SLC35E1: variants seen among roughly 807,000 people sequenced by gnomAD.
SLC35E1 encodes solute carrier family 35 member E1, also known as solute carrier family 35, member E1.
SLC35E1 carries 12 observed loss-of-function variants against 31.0 expected under a neutral mutation model. The ratio of observed to expected loss-of-function variants is 0.39; its 90% CI spans 0.25 to 0.63. The LOEUF (loss-of-function observed/expected upper bound fraction) is 0.63, where lower values mean the gene tolerates loss of function less well. SLC35E1 is among the 20% of genes least tolerant of loss of function. The probability of loss-of-function intolerance (pLI) is 0.52; values close to 1 mark genes in which losing one functional copy is unlikely to be tolerated. For missense variants in SLC35E1, 429 were observed against 572.2 expected, an observed-to-expected ratio of 0.75 and a Z score of 2.55; for synonymous variants, 257 against 264.1, an observed-to-expected ratio of 0.97 and a Z score of 0.26.
intron 3 of SLC35E1, among the ~76,000 whole-genome samples, chr19:16,567,704 G>A (rs1212574489): frequency 1.3e-5 from 2 of 152,138 alleles, no homozygotes; most frequent in African/African-American, 2.4e-5. Flanking sequence ...TGGGATTACA[G>A]ATGCGTGCCT....
In SLC35E1 at chr19:16,571,498, C is replaced by G; in HGVS notation, c.492+14G>C. 6.2e-7 allele frequency: 1 copy of G among 1,613,768 alleles called. No individual in the cohort carries two copies. On this transcript the variant is annotated intron_variant, in intron 2 of 5. Transcript: ENST00000595753. ...TGGAGCTCCCATCTGCCCAGAGTCC[C>G]TGCCCGGGGTTACCTTGGTGCTCTG...
At chr19:16,559,098 C>T (rs2085891328) in intron 4 of SLC35E1, among the ~76,000 whole-genome samples, 1 of 151,914 alleles carries the variant, frequency 6.6e-6, no homozygotes, top group Non-Finnish European at 1.5e-5. Flanking sequence ...TACTATCTTC[C>T]ATTTAAAAAT....
At position 16,569,759 on chromosome 19, in the gene SLC35E1, G is replaced by A. The variant is rs2085948620; in HGVS notation, c.493-1590C>T. Among the ~76,000 whole-genome samples, 3 of 152,158 alleles carry A rather than the reference G, an allele frequency of 2.0e-5. No individual in the cohort carries two copies. In the South Asian group the frequency reaches 6.2e-4, roughly 32 times the overall value. ...TACTCGGGAGGCTGAGGCAAGAATC[G>A]CTTGAACCCAGGAGGCGGAGCTTGC... On this transcript the variant is annotated intron_variant, in intron 2 of 5. Coordinates refer to ENST00000595753, the MANE Select transcript of SLC35E1 (RefSeq NM_024881.5).
chr19:16,564,924 T>C (rs752004045), intron 4 of SLC35E1: 19 of 323,484 alleles, frequency 5.9e-5, no homozygotes, highest in Middle Eastern at 4.3e-4. Flanking sequence ...CATGGTTTAC[T>C]GATTGGGAAA....
At chr19:16,565,344 G>A in intron 4 of SLC35E1, 1 of 340,104 alleles carries the variant, frequency 2.9e-6, no homozygotes, top group Non-Finnish European at 5.8e-6. Context: ...CCAAGTGGCT[G>A]GGATTACAGG....
Position 16,568,510 on chromosome 19 carries a change from A to T in SLC35E1, c.493-341T>A, listed in dbSNP as rs114402960. Among the ~76,000 whole-genome samples the T allele has an allele frequency of 2.6e-3, 391 of 152,242 alleles. 1 individual carries two copies. The highest frequency in any genetic ancestry group is 8.7e-3 in the African/African-American group (362 of 41,542). On this transcript the variant is annotated intron_variant, in intron 2 of 5. Coordinates refer to ENST00000595753, the MANE Select transcript of SLC35E1 (RefSeq NM_024881.5). ...GGGTTTGAAGCCCTGATCCTCTATAAGGCTCCCCCATTCCCTCTTTTTAAA... is the reference window on the plus strand; with the variant it reads ...GGGTTTGAAGCCCTGATCCTCTATATGGCTCCCCCATTCCCTCTTTTTAAA...
chr19:16,572,115 G>A lies in SLC35E1; in HGVS notation c.250C>T (p.Pro84Ser). The change falls in exon 1 of 6, where the codon CCC becomes TCC. Residue 84 changes from proline (P) to serine (S), a missense_variant. Transcript: ENST00000595753. The surrounding 1 kb of genome is among the most constrained non-coding windows in gnomAD (Gnocchi z 4.1). The part of the protein sequence containing the change: ...PPLLRAWRVP[P>S]APPVSGPGPS... ...CCGGGGCCCGAGACGGGCGGCGCGG[G>A]GGGCACGCGCCAGGCGCGCAGCAGC... is the stretch of plus-strand genomic sequence containing the variant. 6.6e-7 allele frequency: 1 copy of A among 1,511,808 alleles called. No homozygotes were observed. Among genetic ancestry groups the A allele is most frequent in the Non-Finnish European group, 8.8e-7 (1 of 1,130,950 alleles). 93.6% of individuals were successfully genotyped at this position (1,511,808 alleles called of 1,614,324 possible).
Position 16,556,196 on chromosome 19 carries a change from G to C in SLC35E1, c.757-799C>G, listed in dbSNP as rs957144795. Among the ~76,000 whole-genome samples, 8 of 151,936 alleles carry C rather than the reference G, an allele frequency of 5.3e-5. No individual in the cohort carries two copies. The South Asian group carries it at 6.2e-4, about 12-fold the overall frequency. ...CCACTGCACTCCAGCCAGGGCAACA[G>C]AGCGAGACTCTGTCTCAAAAAAACA... On this transcript the variant is annotated intron_variant, in intron 4 of 5. Coordinates refer to ENST00000595753, the MANE Select transcript of SLC35E1 (RefSeq NM_024881.5).
chr19:16,566,022 A>G (rs1294201853), intron 4 of SLC35E1: 2 of 151,948 alleles, frequency 1.3e-5, no homozygotes, highest in Non-Finnish European at 2.9e-5. Context: ...AACAAAAAAA[A>G]ATTAGCCAGG....
intron 3 of SLC35E1, 54 bp from the exon 4 acceptor site, chr19:16,566,711 G>A: frequency 1.9e-6 from 3 of 1,572,968 alleles, no homozygotes; most frequent in South Asian, 2.3e-5. Flanking sequence ...TGGCAAAAAG[G>A]GCTCCAGTGA....
intron 4 of SLC35E1, among the ~76,000 whole-genome samples, chr19:16,561,091 G>A (rs1201843187): frequency 6.7e-6 from 1 of 150,016 alleles, no homozygotes; most frequent in South Asian, 2.1e-4. Flanking sequence ...GCATGTGCCT[G>A]TAATCCCAGC....
rs757077595 is a variant in SLC35E1 at position 16,553,666 on chromosome 19, T to C, written c.*13A>G. ...GAAGGAGTCACCAACAGTCTGGTCC[T>C]GTCCTTTGGACTCTACACATCATAG... On this transcript the variant is annotated 3_prime_UTR_variant, in exon 6 of 6. Transcript: ENST00000595753. 2.7e-6 allele frequency: 4 copies of C among 1,489,336 alleles called. No individual in the cohort carries two copies. Among genetic ancestry groups the C allele is most frequent in the Non-Finnish European group, 2.7e-6 (3 of 1,111,072 alleles). 92.3% of individuals were successfully genotyped at this position (1,489,336 alleles called of 1,614,324 possible).
chr19:16,567,564 A>C (rs1282322684), intron 3 of SLC35E1, among the ~76,000 whole-genome samples: 3 of 151,800 alleles, frequency 2.0e-5, no homozygotes, highest in African/African-American at 7.3e-5. Context: ...TAATAGAAAA[A>C]CTTTTTTTTG....
rs1257388452 is a variant in SLC35E1, at chr19:16,549,953, A to C, written c.*3726T>G. ...AAACAGGTGACAATTGAAAAACATTATAATATTTTCAGGTCTTTTAATAAT... is the reference window on the plus strand; with the variant it reads ...AAACAGGTGACAATTGAAAAACATTCTAATATTTTCAGGTCTTTTAATAAT... On this transcript the variant is annotated 3_prime_UTR_variant, in exon 6 of 6. Transcript: ENST00000595753. The C allele has an allele frequency of 6.6e-6, 1 of 152,058 alleles. No individual in the cohort carries two copies. 9.4% of individuals were successfully genotyped at this position (152,058 alleles called of 1,614,324 possible).
intron 3 of SLC35E1, among the ~76,000 whole-genome samples, chr19:16,567,745 G>C (rs2085939136): frequency 6.6e-6 from 1 of 151,814 alleles, no homozygotes; most frequent in Non-Finnish European, 1.5e-5. Flanking sequence ...GTAGAGATGG[G>C]GTTTTGCCAT....
Position 16,557,958 on chromosome 19 carries a change from C to T in SLC35E1, c.757-2561G>A, listed in dbSNP as rs555922187. The stretch of plus-strand genomic sequence containing the variant: ...CCTCCCGCATAGCTGGGACTACAGG[C>T]GCCCGCCACCATGCCCGGCTAATTG... On this transcript the variant is annotated intron_variant, in intron 4 of 5. Coordinates refer to ENST00000595753, the MANE Select transcript of SLC35E1 (RefSeq NM_024881.5). Among the ~76,000 whole-genome samples, 27 of 152,152 alleles carry T rather than the reference C, an allele frequency of 1.8e-4. 2 individuals are homozygous for T. The South Asian group carries it at 4.4e-3, about 25-fold the overall frequency.
In SLC35E1 at chr19:16,555,662, C is replaced by T. The variant is rs994263993; in HGVS notation, c.757-265G>A. ...GGTGAAGCCAGGTCCCCAAAGGGCA[C>T]CAAGCAAGACGTAAGCCAAAGCCTT... On this transcript the variant is annotated intron_variant, in intron 4 of 5. Coordinates refer to ENST00000595753, the MANE Select transcript of SLC35E1 (RefSeq NM_024881.5). This position sits in a 1 kb window ranked among gnomAD's most constrained non-coding sequence, Gnocchi z 4.1. 8.8e-6 allele frequency: 4 copies of T among 452,262 alleles called. No homozygotes were observed. The highest frequency in any genetic ancestry group is 1.6e-5 in the Non-Finnish European group (4 of 249,540). 28.0% of individuals were successfully genotyped at this position (452,262 alleles called of 1,614,324 possible). A position where few individuals can be genotyped will look rare whatever the true frequency, so the allele number is the denominator to read the frequency against.
intron 4 of SLC35E1, chr19:16,565,944 G>A (rs1030455092): frequency 1.3e-5 from 2 of 150,582 alleles, no homozygotes; most frequent in African/African-American, 4.9e-5. Context: ...AACGCCAGGA[G>A]TTCAGGACCA....
At position 16,572,191 on chromosome 19, in the gene SLC35E1, C is replaced by T. The variant is rs1411638846; in HGVS notation, c.174G>A (p.Pro58=). ...GGATGTGGCACAGCGACACGGTCAC[C>T]GGGAACGGGAAGGCGCTCAGGATCA... ...NKVILSAFPF[P]VTVSLCHILA... is the part of the protein sequence containing the mutation. Residue 58 remains proline (P), a synonymous_variant, in exon 1 of 6, where the codon CCG becomes CCA. Transcript: ENST00000595753. The surrounding 1 kb of genome is among the most constrained non-coding windows in gnomAD (Gnocchi z 4.1). The T allele has an allele frequency of 2.0e-6, 3 of 1,531,836 alleles. No individual in the cohort carries two copies. The East Asian group carries it at 7.8e-5, about 40-fold the overall frequency. The allele number at this position is 1,531,836 out of a possible 1,614,324, so 94.9% of individuals were successfully genotyped here.
Sources: gnomAD v4.1 joint callset for allele counts (sites outside exome capture counted in the v4.1 genomes callset) on GRCh38, gnomAD v4.1.1 for gene constraint, Gnocchi (gnomAD v3.1) non-coding constraint, MANE v1.5 for transcripts, NCBI Gene and HGNC (gene_info 2026-07-23, HGNC 2026-07-21) for gene names.